The following FBN2 variants were observed in gnomAD, a reference collection of about 807,000 sequenced individuals.
FBN2 encodes the protein fibrillin-2.
Under a neutral mutation model 355.6 loss-of-function variants are expected in FBN2, and 105 were observed. That is an observed-to-expected ratio of 0.30 (90% CI 0.25 to 0.35). The LOEUF (loss-of-function observed/expected upper bound fraction) is 0.35. FBN2 is among the 10% of genes least tolerant of loss of function. The pLI is 1.00. For synonymous variants in FBN2, 1,350 were observed against 1,301.2 expected, an observed-to-expected ratio of 1.04 and a Z score of -0.81; for missense variants, 3,280 against 3,758.7, an observed-to-expected ratio of 0.87 and a Z score of 3.33.
chr5:128,290,583 G>C (rs1749293915), intron 50 of FBN2, 149 bp downstream of exon 50: 4 of 810,394 alleles, frequency 4.9e-6, no homozygotes, highest in African/African-American at 1.7e-5. Flanking sequence ...AAGTTTCTCA[G>C]GCTAGGTTGT....
chr5:128,476,375 C>T (rs181703888), intron 5 of FBN2, among the ~76,000 whole-genome samples: 1 of 151,966 alleles, frequency 6.6e-6, no homozygotes, highest in African/African-American at 2.4e-5. Flanking sequence ...AAACTCAGCC[C>T]TATCCTGTCT....
chr5:128,359,897 T>C (rs1751595478), intron 19 of FBN2, among the ~76,000 whole-genome samples: 2 of 152,108 alleles, frequency 1.3e-5, no homozygotes, highest in South Asian at 4.1e-4. Flanking sequence ...CTATAAATAA[T>C]CATTGATAAT....
At chr5:128,462,411 C>T (rs1404580367) in intron 6 of FBN2, among the ~76,000 whole-genome samples, 2 of 152,080 alleles carry the variant, frequency 1.3e-5, no homozygotes, top group African/African-American at 4.8e-5. Context: ...TTAAAATAGC[C>T]TGAACTACGG....
intron 18 of FBN2, among the ~76,000 whole-genome samples, chr5:128,363,708 C>G (rs1217778633): frequency 6.6e-6 from 1 of 152,136 alleles, no homozygotes; most frequent in Non-Finnish European, 1.5e-5. Context: ...GATTTCACTT[C>G]TGGAGAATAA....
chr5:128,364,355 G>A (rs1333555619), intron 18 of FBN2, among the ~76,000 whole-genome samples: 1 of 151,848 alleles, frequency 6.6e-6, no homozygotes, highest in Non-Finnish European at 1.5e-5. Context: ...AAAACAATAG[G>A]CAAATAATTG....
At chr5:128,504,327 C>T (rs1755896940) in intron 5 of FBN2, among the ~76,000 whole-genome samples, 2 of 152,178 alleles carry the variant, frequency 1.3e-5, no homozygotes, top group South Asian at 4.1e-4. Flanking sequence ...AAGAGGGCCA[C>T]CATCCTCCAG....
At chr5:128,305,974 T>C (rs770638729) in intron 42 of FBN2, 26 bp from the exon 43 acceptor site, 5 of 1,606,714 alleles carry the variant, frequency 3.1e-6, no homozygotes, top group Non-Finnish European at 4.3e-6. Flanking sequence ...TTTGGTCAAA[T>C]ATATGTTGTT....
intron 17 of FBN2, chr5:128,365,200 GC>G (rs2126941448): frequency 6.1e-6 from 1 of 163,220 alleles, no homozygotes; most frequent in East Asian, 1.8e-4. Context: ...GTTTCTCATT[GC>G]TGATACTTGA....
At chr5:128,380,868 T>C (rs1752215560) in intron 11 of FBN2, among the ~76,000 whole-genome samples, 1 of 152,062 alleles carries the variant, frequency 6.6e-6, no homozygotes, top group South Asian at 2.1e-4. Flanking sequence ...AATACTACGT[T>C]CTGTACATTT....
intron 62 of FBN2, among the ~76,000 whole-genome samples, chr5:128,271,404 C>A (rs901036586): frequency 1.3e-5 from 2 of 152,212 alleles, no homozygotes; most frequent in Non-Finnish European, 2.9e-5. Context: ...TTTGATCAAT[C>A]ACTCCTTAAA....
intron 45 of FBN2, among the ~76,000 whole-genome samples, chr5:128,303,658 C>T (rs1475718554): frequency 1.3e-5 from 2 of 152,094 alleles, no homozygotes; most frequent in South Asian, 2.1e-4. Context: ...CTATGAATTC[C>T]AGGCTGCTGA....
At chr5:128,516,374 C>CT (rs35226456) in intron 5 of FBN2, among the ~76,000 whole-genome samples, 29,468 of 145,264 alleles carry the variant, frequency 0.2, 2,989 homozygotes, top group Non-Finnish European at 0.24. Flanking sequence ...CACAAGAACT[C>CT]TTTTTTTTTT....
chr5:128,422,887 G>A (rs1753387679), intron 7 of FBN2, among the ~76,000 whole-genome samples: 1 of 151,968 alleles, frequency 6.6e-6, no homozygotes, highest in African/African-American at 2.4e-5. Context: ...ACTGACAGAT[G>A]ACATATAAAA....
chr5:128,304,316 C>T (rs904865516), intron 45 of FBN2, among the ~76,000 whole-genome samples: 2 of 152,214 alleles, frequency 1.3e-5, no homozygotes, highest in Non-Finnish European at 1.5e-5. Flanking sequence ...AGCTTCATGG[C>T]ATCCAGCCCA....
intron 64 of FBN2, among the ~76,000 whole-genome samples, chr5:128,260,861 T>C (rs1165287299): frequency 2.0e-5 from 3 of 152,180 alleles, no homozygotes; most frequent in African/African-American, 7.2e-5. Context: ...GGGTAATTTC[T>C]CAGTCATATT....
At chr5:128,271,278 A>C (rs555696966) in intron 62 of FBN2, among the ~76,000 whole-genome samples, 12 of 152,346 alleles carry the variant, frequency 7.9e-5, no homozygotes, top group Non-Finnish European at 1.5e-4. Context: ...TTATGCCAGC[A>C]CCTAGCATCA....
intron 7 of FBN2, among the ~76,000 whole-genome samples, chr5:128,436,417 CT>C (rs1459300382): frequency 1.3e-5 from 2 of 152,138 alleles, no homozygotes; most frequent in Non-Finnish European, 2.9e-5. Flanking sequence ...CACATTTTAA[CT>C]GTTGATATAT....
chr5:128,274,530 A>G (rs1364225500), intron 60 of FBN2, 37 bp downstream of exon 60: 2 of 1,101,846 alleles, frequency 1.8e-6, no homozygotes, highest in Non-Finnish European at 2.8e-6. Context: ...CATCTACTAG[A>G]AGTTTGTAAA....
At chr5:128,532,050 C>G (rs1756723981) in intron 2 of FBN2, among the ~76,000 whole-genome samples, 1 of 152,120 alleles carries the variant, frequency 6.6e-6, no homozygotes, top group Non-Finnish European at 1.5e-5. Flanking sequence ...AAAGCCTTCA[C>G]AGGAGACAGA....
Sources: allele counts gnomAD v4.1 joint callset (sites outside exome capture counted in the v4.1 genomes callset), GRCh38; gene constraint gnomAD v4.1.1; transcripts MANE v1.5; gene names NCBI Gene and HGNC (gene_info 2026-07-23, HGNC 2026-07-21).